The following LPIN1 variants were observed in gnomAD, a reference collection of about 807,000 sequenced individuals.
LPIN1 encodes the protein phosphatidate phosphatase LPIN1.
In LPIN1, 71 loss-of-function variants were observed where a neutral mutation model predicts 107.5. The observed-to-expected ratio is 0.66, with a 90% CI of 0.55 to 0.80. LPIN1 has a LOEUF of 0.80. Ranked by LOEUF, LPIN1 falls within the 30% of genes least tolerant of loss-of-function variation. The pLI is 0.00. For synonymous variants in LPIN1, 445 were observed against 452.6 expected (o/e 0.98, Z 0.21); for missense variants, 1,043 against 1,160.6 (o/e 0.90, Z 1.47).
chr2:11,725,788 A>G (rs544175876), intron 1 of LPIN1, among the ~76,000 whole-genome samples: 7 of 152,322 alleles, frequency 4.6e-5, no homozygotes, highest in African/African-American at 1.7e-4. Flanking sequence ...TGGCAGGGAA[A>G]CACGTGGGCA....
Position 11,787,061 on chromosome 2 carries a change from A to G in LPIN1, c.1550-13A>G. The G allele has an allele frequency of 1.3e-6, 2 of 1,590,632 alleles. No homozygotes were observed. The highest frequency in any genetic ancestry group is 1.3e-5 in the African/African-American group (1 of 74,608). ...TTTTGTTTTTCCCTGATCCTCTGCA[A>G]TTGCTGTCACAGATGCATTCCTGGA... On this transcript the variant is annotated splice_polypyrimidine_tract_variant and intron_variant, in intron 10 of 20. Transcript: ENST00000674199.
intron 6 of LPIN1, chr2:11,777,376 C>G (rs1026213719): frequency 6.6e-6 from 1 of 152,200 alleles, no homozygotes; most frequent in Non-Finnish European, 1.5e-5. Context: ...TAGGGCTGGG[C>G]TCCTTATGCG....
chr2:11,789,140 A>C (rs1675194657), intron 12 of LPIN1, among the ~76,000 whole-genome samples: 1 of 152,202 alleles, frequency 6.6e-6, no homozygotes, highest in South Asian at 2.1e-4. Flanking sequence ...GCTTGTTTGT[A>C]TCCTTTGTGC....
rs1376588601 is a variant in LPIN1 at position 11,713,795 on chromosome 2, T to C, written c.121T>C (p.Trp41Arg). 3.9e-6 allele frequency: 6 copies of C among 1,522,982 alleles called. No individual in the cohort carries two copies. In the Admixed American group the frequency reaches 1.2e-4, roughly 30 times the overall value. The allele number at this position is 1,522,982 out of a possible 1,614,324, so 94.3% of individuals were successfully genotyped here. Residue 41 changes from tryptophan (W) to arginine (R), a missense_variant, in exon 2 of 22, where the codon TGG becomes CGG. Transcript: ENST00000449576. Reference sequence around the variant, plus strand: ...AGACCCTGGGTGGATTCGAAATGTATGGTCTTCAAACATTAACGTGAGTGC... The same window carrying C: ...AGACCCTGGGTGGATTCGAAATGTACGGTCTTCAAACATTAACGTGAGTGC...
chr2:11,755,344 G>A (rs1331606518), intron 1 of LPIN1, among the ~76,000 whole-genome samples: 2 of 152,044 alleles, frequency 1.3e-5, no homozygotes, highest in Admixed American at 6.5e-5. Flanking sequence ...GGTGGTGGGT[G>A]CATCTTGCTG....
In LPIN1 at chr2:11,783,813, C is replaced by T; in HGVS notation, c.1265-16C>T. Reference sequence around the variant, plus strand: ...TAGAAGAGTGGTTTTCTGACTTGAGCCATTTGCCGTTTTAGATAAACGAAG... The same window carrying T: ...TAGAAGAGTGGTTTTCTGACTTGAGTCATTTGCCGTTTTAGATAAACGAAG... On this transcript the variant is annotated splice_polypyrimidine_tract_variant and intron_variant, in intron 8 of 20. Coordinates refer to ENST00000674199, the MANE Select transcript of LPIN1 (RefSeq NM_001349206.2). 3 of 1,608,552 alleles carry T rather than the reference C, an allele frequency of 1.9e-6. No individual in the cohort carries two copies. Among genetic ancestry groups the T allele is most frequent in the Non-Finnish European group, 2.6e-6 (3 of 1,174,938 alleles).
At chr2:11,763,981 GTGTGTGTA>G (rs1670289754) in intron 1 of LPIN1, among the ~76,000 whole-genome samples, 4 of 146,648 alleles carry the variant, frequency 2.7e-5, no homozygotes, top group South Asian at 2.1e-4. Context: ...GTGTGTGTGT[GTGTGTGTA>G]TATATATATA....
intron 14 of LPIN1, among the ~76,000 whole-genome samples, chr2:11,801,555 A>T (rs1008758195): frequency 1.1e-4 from 16 of 152,156 alleles, no homozygotes; most frequent in Admixed American, 9.8e-4. Context: ...AAAAATATTG[A>T]TTTCATGGAG....
In LPIN1 at chr2:11,783,834, C is replaced by T. The variant is rs119480072; in HGVS notation, c.1270C>T (p.Arg424Ter). 27 of 1,613,798 alleles carry T rather than the reference C, an allele frequency of 1.7e-5. No individual in the cohort carries two copies. The highest frequency in any genetic ancestry group is 1.3e-4 in the African/African-American group (10 of 74,918). ...TGAGCCATTTGCCGTTTTAGATAAA[C>T]GAAGCCGACATCTTGGTGCTGACGG... ...TDSPSRKRDK[R>*]SRHLGADGVY... Residue 424 changes from arginine to a stop codon, truncating the protein, a stop_gained, in exon 9 of 21, where the codon CGA becomes TGA. Transcript: ENST00000674199. LOFTEE classifies it high-confidence loss of function.
At chr2:11,787,048 C>A (rs1272679463) in intron 10 of LPIN1, 26 bp from the exon 11 acceptor site, 10 of 1,540,698 alleles carry the variant, frequency 6.5e-6, no homozygotes, top group East Asian at 2.2e-5. Context: ...TTGTTTTTCC[C>A]TGATCCTCTG....
intron 17 of LPIN1, among the ~76,000 whole-genome samples, chr2:11,809,052 A>G (rs755254327): frequency 1.6e-4 from 25 of 151,682 alleles, no homozygotes; most frequent in South Asian, 4.1e-4. Context: ...GTTCATAGAG[A>G]GGGTATAAAG....
In LPIN1 at chr2:11,776,051, CTTTCTTTTAATGTGTA is replaced by C; in HGVS notation, c.723-33_723-18del. The C allele has an allele frequency of 8.7e-6, 11 of 1,266,160 alleles. No individual in the cohort carries two copies. The highest frequency in any genetic ancestry group is 1.2e-5 in the Non-Finnish European group (11 of 899,910). 78.4% of individuals were successfully genotyped at this position (1,266,160 alleles called of 1,614,324 possible). ...TGATGTAATTGACCTCTGATTTTGT[CTTTCTTTTAATGTGTA>C]TCACGTGGTGGTATCCAGTAGCCTG... On this transcript the variant is annotated intron_variant, in intron 5 of 20. Coordinates refer to ENST00000674199, the MANE Select transcript of LPIN1 (RefSeq NM_001349206.2).
intron 1 of LPIN1, among the ~76,000 whole-genome samples, chr2:11,749,298 C>T (rs1007582207): frequency 2.6e-5 from 4 of 152,076 alleles, no homozygotes; most frequent in African/African-American, 4.8e-5. Flanking sequence ...GCCTGTGTGT[C>T]GAGGGGACAC....
At chr2:11,734,070 G>C (rs1159290115) in intron 1 of LPIN1, among the ~76,000 whole-genome samples, 4 of 152,206 alleles carry the variant, frequency 2.6e-5, no homozygotes, top group Non-Finnish European at 4.4e-5. Context: ...ACACAGGAAA[G>C]AGTATTGTGC....
At chr2:11,773,554 T>G in intron 4 of LPIN1, 66 bp from the exon 5 acceptor site, 1 of 1,442,318 alleles carries the variant, frequency 6.9e-7, no homozygotes, top group Non-Finnish European at 9.7e-7. Flanking sequence ...CAAGAAAAAA[T>G]TGGAACTTGA....
rs567348088 is a variant in LPIN1 at position 11,708,955 on chromosome 2, C to T, written c.82-4801C>T. Among the ~76,000 whole-genome samples the T allele has an allele frequency of 1.1e-3, 169 of 152,190 alleles. No homozygotes were observed. In the South Asian group the frequency reaches 0.012, roughly 11 times the overall value. The stretch of plus-strand genomic sequence containing the variant: ...CTATTATTATTGTTATTATTGTTCC[C>T]CTTTTATAGAGGGGAAATGGAGGCT... On this transcript the variant is annotated intron_variant, in intron 1 of 21. Transcript: ENST00000449576.
chr2:11,772,514 C>T (rs1249774212), intron 4 of LPIN1, among the ~76,000 whole-genome samples: 1 of 152,206 alleles, frequency 6.6e-6, no homozygotes, highest in Non-Finnish European at 1.5e-5. Flanking sequence ...ACCAACGATG[C>T]ACAACTGGGC....
chr2:11,771,826 G>GT lies in LPIN1; in HGVS notation c.596+151dup. 1.3e-6 allele frequency: 1 copy of GT among 779,266 alleles called. No individual in the cohort carries two copies. The highest frequency in any genetic ancestry group is 1.8e-5 in the South Asian group (1 of 54,930). 48.3% of individuals were successfully genotyped at this position (779,266 alleles called of 1,614,324 possible). A position where few individuals can be genotyped will look rare whatever the true frequency, so the allele number is the denominator to read the frequency against. On this transcript the variant is annotated intron_variant, in intron 4 of 20. Transcript: ENST00000674199. The surrounding 1 kb of genome is among the most constrained non-coding windows in gnomAD (Gnocchi z 4.8). ...CCAACCTTTTTGGCACTAGGGACCA[G>GT]TTTTGTGGAAGACAGTGTTTCCATG...
intron 17 of LPIN1, among the ~76,000 whole-genome samples, chr2:11,814,815 A>G (rs1254996873): frequency 3.9e-5 from 6 of 152,180 alleles, no homozygotes; most frequent in African/African-American, 9.7e-5. Context: ...CTCAGTTTCC[A>G]TAGCAGTAAA....
Sources: gnomAD v4.1 joint callset for allele counts (sites outside exome capture counted in the v4.1 genomes callset) on GRCh38, gnomAD v4.1.1 for gene constraint, Gnocchi (gnomAD v3.1) non-coding constraint, MANE v1.5 for transcripts, NCBI Gene and HGNC (gene_info 2026-07-23, HGNC 2026-07-21) for gene names.